PTPRD: variants seen among roughly 807,000 people sequenced by gnomAD.
PTPRD encodes the protein receptor-type tyrosine-protein phosphatase delta.
In PTPRD, 34 loss-of-function variants were observed where a neutral mutation model predicts 214.5. The observed-to-expected ratio is 0.16, with a 90% CI of 0.12 to 0.21. The LOEUF is 0.21. PTPRD is among the 10% of genes least tolerant of loss of function. The probability of loss-of-function intolerance (pLI) is 1.00; values close to 1 mark genes in which losing one functional copy is unlikely to be tolerated. For missense variants in PTPRD, 2,545 were observed against 2,398.7 expected, an observed-to-expected ratio of 1.06 and a Z score of -1.27; for synonymous variants, 1,128 against 845.7, an observed-to-expected ratio of 1.33 and a Z score of -5.79.
chr9:9,229,500 T>C (rs1341892502), intron 9 of PTPRD, among the ~76,000 whole-genome samples: 3 of 152,006 alleles, frequency 2.0e-5, no homozygotes, highest in African/African-American at 4.8e-5. Flanking sequence ...CAAAAAAGCA[T>C]CCAATTGGCC....
intron 12 of PTPRD, among the ~76,000 whole-genome samples, chr9:8,714,928 G>T (rs912051147): frequency 6.6e-6 from 1 of 151,478 alleles, no homozygotes. Flanking sequence ...CCTAGAATGC[G>T]ACCTTAATGG....
rs115892184 is a variant in PTPRD at position 9,216,290 on chromosome 9, G to A, written c.-202-32927C>T. Among the ~76,000 whole-genome samples the A allele has an allele frequency of 2.8e-3, 430 of 152,274 alleles. 1 individual carries two copies. Among genetic ancestry groups the A allele is most frequent in the African/African-American group, 9.8e-3 (408 of 41,560 alleles). ...TACCTATTAAAATAAGGATGCCAATGCTAGATAGTCACCAGCTCCCAAATC... is the reference window on the plus strand; with the variant it reads ...TACCTATTAAAATAAGGATGCCAATACTAGATAGTCACCAGCTCCCAAATC... On this transcript the variant is annotated intron_variant, in intron 9 of 45. Transcript: ENST00000381196.
At chr9:9,658,968 A>G (rs2154378533) in intron 7 of PTPRD, among the ~76,000 whole-genome samples, 1 of 152,254 alleles carries the variant, frequency 6.6e-6, no homozygotes, top group Non-Finnish European at 1.5e-5. Context: ...AAGAAGTAGA[A>G]CACAAACTAT....
chr9:9,669,371 G>T (rs1358879655), intron 7 of PTPRD, among the ~76,000 whole-genome samples: 1 of 152,114 alleles, frequency 6.6e-6, no homozygotes, highest in African/African-American at 2.4e-5. Flanking sequence ...CCAAACGTAG[G>T]TAATCTAATT....
At chr9:9,734,352 G>A (rs566873659) in intron 7 of PTPRD, among the ~76,000 whole-genome samples, 181 bp downstream of exon 7, 57 of 152,128 alleles carry the variant, frequency 3.7e-4, no homozygotes, top group African/African-American at 1.3e-3. Context: ...TTATCATATT[G>A]TCTAATATTG....
At chr9:10,416,034 G>C (rs1397127216) in intron 2 of PTPRD, among the ~76,000 whole-genome samples, 1 of 151,444 alleles carries the variant, frequency 6.6e-6, no homozygotes, top group African/African-American at 2.4e-5. Context: ...TTTTTTCAAA[G>C]ATAAGAAAAA....
At chr9:9,558,580 A>T (rs139714787) in intron 8 of PTPRD, among the ~76,000 whole-genome samples, 149 of 152,256 alleles carry the variant, frequency 9.8e-4, no homozygotes, top group African/African-American at 3.5e-3. Context: ...TACACAAGCA[A>T]CTGAGCACGC....
chr9:10,478,271 G>A (rs2099075857), intron 2 of PTPRD, among the ~76,000 whole-genome samples: 1 of 152,112 alleles, frequency 6.6e-6, no homozygotes, highest in Non-Finnish European at 1.5e-5. Context: ...AAGATGGCAA[G>A]AAGCCCATTT....
chr9:8,645,493 T>C (rs1029550453), intron 12 of PTPRD, among the ~76,000 whole-genome samples: 5 of 152,218 alleles, frequency 3.3e-5, no homozygotes, highest in Non-Finnish European at 5.9e-5. Flanking sequence ...GTCTATACCA[T>C]TAATTTTATT....
intron 11 of PTPRD, among the ~76,000 whole-genome samples, chr9:8,767,025 T>C (rs2094808461): frequency 6.6e-6 from 1 of 152,120 alleles, no homozygotes; most frequent in Non-Finnish European, 1.5e-5. Context: ...CCCTAAGCTT[T>C]AAGAAAAAGA....
Position 8,883,103 on chromosome 9 carries a change from C to T in PTPRD, c.-104+135594G>A, listed in dbSNP as rs138979418. On this transcript the variant is annotated intron_variant, in intron 11 of 45. Coordinates refer to ENST00000381196, the MANE Select transcript of PTPRD (RefSeq NM_002839.4). ...TAATAATACCAATTATATTAATAATCAGTACCACTAATTGAGCATCTACTA... is the reference window on the plus strand; with the variant it reads ...TAATAATACCAATTATATTAATAATTAGTACCACTAATTGAGCATCTACTA... Among the ~76,000 whole-genome samples the T allele has an allele frequency of 6.0e-4, 91 of 152,186 alleles. No homozygotes were observed. The East Asian group carries it at 0.017, about 29-fold the overall frequency.
intron 11 of PTPRD, among the ~76,000 whole-genome samples, chr9:8,756,488 C>T (rs1237901019): frequency 6.6e-6 from 1 of 152,160 alleles, no homozygotes; most frequent in Non-Finnish European, 1.5e-5. Flanking sequence ...TTCTAACTCA[C>T]AGATCAAAGG....
rs148002215 is a variant in PTPRD, at chr9:8,921,855, T to C, written c.-104+96842A>G. On this transcript the variant is annotated intron_variant, in intron 11 of 45. Coordinates refer to ENST00000381196, the MANE Select transcript of PTPRD (RefSeq NM_002839.4). ...CTTGGGGGAGCCATTGCAATTAATA[T>C]ATCAGCTTTGGTAAATTTAAATAAA... 2.2e-3 allele frequency among the ~76,000 whole-genome samples: 332 copies of C among 152,312 alleles called. 1 individual carries two copies. Among genetic ancestry groups the C allele is most frequent in the African/African-American group, 7.6e-3 (317 of 41,578 alleles).
At chr9:9,589,468 G>A (rs937784497) in intron 7 of PTPRD, among the ~76,000 whole-genome samples, 1 of 151,764 alleles carries the variant, frequency 6.6e-6, no homozygotes, top group Non-Finnish European at 1.5e-5. Context: ...ACAGGTTGCT[G>A]GTGTTTCTGA....
chr9:9,486,776 T>G (rs1354259030), intron 8 of PTPRD, among the ~76,000 whole-genome samples: 1 of 152,202 alleles, frequency 6.6e-6, no homozygotes, highest in African/African-American at 2.4e-5. Flanking sequence ...AAAGCTCTCT[T>G]GAAATGTAGT....
At chr9:10,609,342 C>T (rs1356003233) in intron 2 of PTPRD, among the ~76,000 whole-genome samples, 5 of 152,030 alleles carry the variant, frequency 3.3e-5, no homozygotes, top group Non-Finnish European at 5.9e-5. Context: ...ACATGCATTT[C>T]AGGTCACCTA....
Position 9,052,755 on chromosome 9 carries a change from T to C in PTPRD, c.-142-34020A>G, listed in dbSNP as rs367819663. ...CTGTAAAGAAGTCACTGATTCCCAA[T>C]GGATAACTTTACAGTTTGTAAGCTG... On this transcript the variant is annotated intron_variant, in intron 10 of 45. Transcript: ENST00000381196. Among the ~76,000 whole-genome samples, 40 of 152,336 alleles carry C rather than the reference T, an allele frequency of 2.6e-4. 1 individual carries two copies. The South Asian group carries it at 8.3e-3, about 32-fold the overall frequency.
At chr9:8,853,392 G>A (rs1340926280) in intron 11 of PTPRD, among the ~76,000 whole-genome samples, 1 of 152,130 alleles carries the variant, frequency 6.6e-6, no homozygotes, top group Admixed American at 6.5e-5. Flanking sequence ...CTTAATTGTG[G>A]AGAGTTGAAA....
intron 8 of PTPRD, among the ~76,000 whole-genome samples, chr9:9,418,179 C>T (rs1404107666): frequency 6.6e-6 from 1 of 152,034 alleles, no homozygotes; most frequent in Non-Finnish European, 1.5e-5. Context: ...CACATTGCCT[C>T]TGGGTGCCTG....
Sources: allele counts gnomAD v4.1 joint callset (sites outside exome capture counted in the v4.1 genomes callset), GRCh38; gene constraint gnomAD v4.1.1; transcripts MANE v1.5; gene names NCBI Gene and HGNC (gene_info 2026-07-23, HGNC 2026-07-21).